The following CDK13 variants were observed in gnomAD, a reference collection of about 807,000 sequenced individuals.
CDK13 encodes the protein cyclin-dependent kinase 13.
CDK13 carries 40 observed loss-of-function variants against 137.6 expected under a neutral mutation model. The ratio of observed to expected loss-of-function variants is 0.29; its 90% CI spans 0.23 to 0.38. The LOEUF (loss-of-function observed/expected upper bound fraction) is 0.38, where lower values mean the gene tolerates loss of function less well. CDK13 is among the 10% of genes least tolerant of loss of function. The probability of loss-of-function intolerance (pLI) is 1.00; values close to 1 mark genes in which losing one functional copy is unlikely to be tolerated. For synonymous variants in CDK13, 869 were observed against 760.1 expected (o/e 1.14, Z -2.36); for missense variants, 1,704 against 1,951.8 (o/e 0.87, Z 2.39).
At chr7:40,007,863 G>A (rs371786722) in intron 5 of CDK13, among the ~76,000 whole-genome samples, 46 of 152,292 alleles carry the variant, frequency 3.0e-4, no homozygotes, top group Middle Eastern at 3.4e-3. Flanking sequence ...TTTTGAGTAA[G>A]TGAATGAATG....
chr7:40,080,113 G>A (rs546065677), intron 11 of CDK13, among the ~76,000 whole-genome samples: 7 of 151,988 alleles, frequency 4.6e-5, no homozygotes, highest in African/African-American at 1.5e-4. Flanking sequence ...TCAGCCTCCC[G>A]AGTAGCTGGG....
intron 1 of CDK13, among the ~76,000 whole-genome samples, chr7:39,963,635 G>A (rs1783801509): frequency 6.6e-6 from 1 of 152,114 alleles, no homozygotes; most frequent in Admixed American, 6.6e-5. Context: ...CTGCCTGATT[G>A]CCCTGGCCAG....
At chr7:40,047,726 T>G in intron 6 of CDK13, 95 bp from the exon 7 acceptor site, 1 of 801,764 alleles carries the variant, frequency 1.2e-6, no homozygotes, top group South Asian at 1.7e-5. Flanking sequence ...CATAGGTTTT[T>G]TTTTTTTAAT....
intron 7 of CDK13, among the ~76,000 whole-genome samples, chr7:40,052,989 A>G (rs71536663): frequency 6.6e-6 from 1 of 152,216 alleles, no homozygotes; most frequent in Non-Finnish European, 1.5e-5. Context: ...CAGATGAATG[A>G]CAATAAATAA....
At position 39,982,119 on chromosome 7, in the gene CDK13, C is replaced by G. The variant is rs529020925; in HGVS notation, c.1212-5480C>G. Among the ~76,000 whole-genome samples, 20 of 150,546 alleles carry G rather than the reference C, an allele frequency of 1.3e-4. 1 individual carries two copies. The East Asian group carries it at 3.9e-3, about 29-fold the overall frequency. On this transcript the variant is annotated intron_variant, in intron 1 of 13. Transcript: ENST00000181839. Reference sequence around the variant, plus strand: ...CATGCTGGTGTGCTGTACCCATTAACTCGTCATTTAGCATTAGGTATATCT... The same window carrying G: ...CATGCTGGTGTGCTGTACCCATTAAGTCGTCATTTAGCATTAGGTATATCT...
intron 1 of CDK13, among the ~76,000 whole-genome samples, chr7:39,971,756 G>A (rs1387138368): frequency 2.6e-5 from 4 of 152,060 alleles, no homozygotes; most frequent in African/African-American, 7.2e-5. Flanking sequence ...GGTGGCGGGC[G>A]CCTATAGTCC....
chr7:40,028,651 T>A (rs1036748433), intron 5 of CDK13, among the ~76,000 whole-genome samples: 1 of 152,198 alleles, frequency 6.6e-6, no homozygotes, highest in African/African-American at 2.4e-5. Flanking sequence ...CTGAGTCTTA[T>A]TTGCTTTGCC....
intron 12 of CDK13, among the ~76,000 whole-genome samples, 161 bp downstream of exon 12, chr7:40,088,492 T>C (rs547759904): frequency 1.3e-5 from 2 of 152,338 alleles, no homozygotes; most frequent in Non-Finnish European, 2.9e-5. Context: ...TTCATTGCTA[T>C]TGGCACCACA....
At chr7:40,049,042 A>T (rs1785816627) in intron 7 of CDK13, 1 of 147,450 alleles carries the variant, frequency 6.8e-6, no homozygotes, top group African/African-American at 2.7e-5. Flanking sequence ...CATCTCTACT[A>T]AAAATAGCTG....
At chr7:39,978,174 T>C (rs1784147760) in intron 1 of CDK13, among the ~76,000 whole-genome samples, 1 of 152,006 alleles carries the variant, frequency 6.6e-6, no homozygotes, top group Admixed American at 6.6e-5. Context: ...ATTAAACTTG[T>C]GGGAGAATGA....
intron 10 of CDK13, chr7:40,078,332 T>C: frequency 2.5e-6 from 1 of 394,722 alleles, no homozygotes. Context: ...GGTTTGGTGC[T>C]TACGTGAAAG....
chr7:40,052,587 G>A (rs1383508980), intron 7 of CDK13, among the ~76,000 whole-genome samples: 1 of 152,036 alleles, frequency 6.6e-6, no homozygotes, highest in Non-Finnish European at 1.5e-5. Context: ...GAGAGAGAAG[G>A]GAAAAATGAA....
chr7:40,090,533 T>A (rs1044075505), intron 12 of CDK13, among the ~76,000 whole-genome samples: 1 of 152,128 alleles, frequency 6.6e-6, no homozygotes, highest in Non-Finnish European at 1.5e-5. Context: ...TTTGTATTTT[T>A]AATAGAGATG....
chr7:40,062,670 A>G (rs1340100139), intron 7 of CDK13, 156 bp from the exon 8 acceptor site: 3 of 662,470 alleles, frequency 4.5e-6, no homozygotes, highest in Admixed American at 5.0e-5. Flanking sequence ...ATGATCTTAT[A>G]TTAGATACCT....
chr7:40,088,529 T>C (rs945216464), intron 12 of CDK13, among the ~76,000 whole-genome samples, 198 bp downstream of exon 12: 3 of 152,226 alleles, frequency 2.0e-5, no homozygotes, highest in South Asian at 2.1e-4. Flanking sequence ...AGGTAACTTA[T>C]AAAGAAGCAT....
chr7:39,953,112 T>C (rs527398823), intron 1 of CDK13, among the ~76,000 whole-genome samples: 2 of 152,316 alleles, frequency 1.3e-5, no homozygotes, highest in Admixed American at 6.5e-5. Context: ...TTAGCAGACC[T>C]TTTTGAAGTA....
intron 5 of CDK13, among the ~76,000 whole-genome samples, chr7:40,015,369 T>C (rs191945880): frequency 2.9e-4 from 44 of 152,296 alleles, no homozygotes; most frequent in East Asian, 2.7e-3. Flanking sequence ...ACTAGAAATA[T>C]GTGCTCTTGG....
chr7:40,029,256 A>G (rs1265277228), intron 5 of CDK13, among the ~76,000 whole-genome samples: 1 of 151,698 alleles, frequency 6.6e-6, no homozygotes, highest in African/African-American at 2.4e-5. Flanking sequence ...GCGAAACCCC[A>G]TCTCTACCAA....
chr7:39,999,242 C>T, intron 3 of CDK13, 119 bp from the exon 4 acceptor site: 2 of 760,188 alleles, frequency 2.6e-6, no homozygotes, highest in South Asian at 4.5e-5. Context: ...ATGATAAATA[C>T]TGCAAGGGTA....
Sources: gnomAD v4.1 joint callset for allele counts (sites outside exome capture counted in the v4.1 genomes callset) on GRCh38, gnomAD v4.1.1 for gene constraint, MANE v1.5 for transcripts, NCBI Gene and HGNC (gene_info 2026-07-23, HGNC 2026-07-21) for gene names.